The following ATM variants were observed in gnomAD, a reference collection of about 807,000 sequenced individuals.
ATM encodes the protein ATM serine/threonine kinase.
A neutral mutation model predicts 387.0 loss-of-function variants in ATM; 308 were observed. The observed-to-expected ratio is 0.80, with a 90% CI of 0.73 to 0.87. The LOEUF is 0.87. Ranked by LOEUF, ATM falls within the 40% of genes least tolerant of loss-of-function variation. The pLI, the probability that ATM is intolerant of heterozygous loss-of-function variation, is 0.00. For missense variants in ATM, 3,312 were observed against 3,560.9 expected, an observed-to-expected ratio of 0.93 and a Z score of 1.78; for synonymous variants, 1,156 against 1,187.3, an observed-to-expected ratio of 0.97 and a Z score of 0.54.
rs34099398 is a variant in ATM, at chr11:108,333,957, A to G, written c.7999A>G (p.Met2667Val). ...TTTAGAAGATGTTGTTGTCCCTACT[A>G]TGGAAATTAAGGTAATTTGCAATTA... ...KNLEDVVVPT[M>V]EIKVDHTGEY... Residue 2667 changes from methionine to valine, a missense_variant, in exon 54 of 63, where the codon ATG becomes GTG. By Grantham distance (21) the Met-to-Val change is conservative. Around this residue, in one of 4 missense-constraint regions of ATM, gnomAD observed 1,405 missense variants for 1,604.4 expected, o/e 0.88. Transcript: ENST00000675843. The G allele has an allele frequency of 2.7e-5, 43 of 1,608,074 alleles. No homozygotes were observed. The highest frequency in any genetic ancestry group is 3.6e-5 in the Non-Finnish European group (42 of 1,174,900).
At chr11:108,343,182 G>A in intron 56 of ATM, 40 bp from the exon 57 acceptor site, 4 of 1,609,436 alleles carry the variant, frequency 2.5e-6, no homozygotes, top group Non-Finnish European at 2.6e-6. Flanking sequence ...GCTCTTTAAT[G>A]GCCTTTTAAA....
rs1555069760 is a variant in ATM, at chr11:108,249,052, A to G, written c.1185A>G (p.Val395=). 1 of 1,614,116 alleles carries G rather than the reference A, an allele frequency of 6.2e-7. No individual in the cohort carries two copies. Among genetic ancestry groups the G allele is most frequent in the Middle Eastern group, 1.7e-4 (1 of 6,054 alleles). Residue 395 remains valine, a synonymous_variant, in exon 9 of 63, where the codon GTA becomes GTG. Transcript: ENST00000675843. The part of the protein sequence containing the change: ...KRKKIELGWE[V]IKDHLQKSQN... ...AGAAAATAGAACTAGGCTGGGAAGTAATAAAAGATCACCTTCAGAAGTCAC... is the reference window on the plus strand; with the variant it reads ...AGAAAATAGAACTAGGCTGGGAAGTGATAAAAGATCACCTTCAGAAGTCAC...
intron 60 of ATM, 150 bp downstream of exon 60, chr11:108,354,030 A>G (rs192289427): frequency 1.5e-6 from 1 of 678,428 alleles, no homozygotes; most frequent in African/African-American, 1.8e-5. Flanking sequence ...AGCCTAGGCA[A>G]TACAGCAAGA....
At chr11:108,259,448 T>C (rs925600516) in intron 16 of ATM, among the ~76,000 whole-genome samples, 1 of 152,246 alleles carries the variant, frequency 6.6e-6, no homozygotes, top group East Asian at 1.9e-4. Context: ...ATCGTGCCAC[T>C]GCACTCCAGC....
intron 15 of ATM, among the ~76,000 whole-genome samples, chr11:108,258,590 G>T (rs1327276105): frequency 6.6e-6 from 1 of 152,156 alleles, no homozygotes; most frequent in African/African-American, 2.4e-5. Flanking sequence ...AGGCCCCAGA[G>T]TATTGATAAT....
intron 16 of ATM, 128 bp from the exon 17 acceptor site, chr11:108,267,043 G>C (rs1381481699): frequency 4.5e-6 from 4 of 893,314 alleles, no homozygotes; most frequent in Non-Finnish European, 7.1e-6. Context: ...TGATCCACCT[G>C]GCTCTGCCTC....
chr11:108,268,694 G>T, intron 18 of ATM, 85 bp downstream of exon 18: 2 of 1,404,068 alleles, frequency 1.4e-6, no homozygotes, highest in Non-Finnish European at 2.0e-6. Flanking sequence ...AGAATCACAT[G>T]GTGTCTTTGA....
In ATM at chr11:108,366,439, G is replaced by A. The variant is rs2137971723; in HGVS notation, c.*931G>A. 4.5e-6 allele frequency: 1 copy of A among 220,920 alleles called. No homozygotes were observed. Among genetic ancestry groups the A allele is most frequent in the East Asian group, 6.7e-5 (1 of 14,934 alleles). The allele number at this position is 220,920 out of a possible 1,614,324, so 13.7% of individuals were successfully genotyped here. A position where few individuals can be genotyped will look rare whatever the true frequency, so the allele number is the denominator to read the frequency against. On this transcript the variant is annotated 3_prime_UTR_variant, in exon 63 of 63. Coordinates refer to ENST00000675843, the MANE Select transcript of ATM (RefSeq NM_000051.4). ...ATGTCACTAATTATTTTAAATGTCT[G>A]TACTTGATAGACACTGTAATAGTTC...
At chr11:108,365,019 T>G in intron 61 of ATM, 63 bp from the exon 62 acceptor site, 5 of 1,574,812 alleles carry the variant, frequency 3.2e-6, no homozygotes, top group Non-Finnish European at 4.3e-6. Flanking sequence ...CTGGTTCTAC[T>G]GTTTCTAAGT....
chr11:108,256,200 G>T lies in ATM; in HGVS notation c.2125-15G>T, dbSNP rs2135391590. On this transcript the variant is annotated splice_polypyrimidine_tract_variant and intron_variant, in intron 13 of 62. Coordinates refer to ENST00000675843, the MANE Select transcript of ATM (RefSeq NM_000051.4). ...TTATGAAATATATATATTTTTATTT[G>T]TGGTTTACTTTAAGATTACAAATTC... 6.3e-7 allele frequency: 1 copy of T among 1,581,332 alleles called. No individual in the cohort carries two copies.
intron 14 of ATM, among the ~76,000 whole-genome samples, chr11:108,256,608 G>T (rs1346462765): frequency 6.6e-6 from 1 of 152,114 alleles, no homozygotes; most frequent in African/African-American, 2.4e-5. Flanking sequence ...ATGGTGGTTT[G>T]CTGCACCCAT....
rs1555053997 is a variant in ATM at position 108,227,716 on chromosome 11, C to G, written c.72+20C>G. On this transcript the variant is annotated intron_variant, in intron 2 of 62. Coordinates refer to ENST00000675843, the MANE Select transcript of ATM (RefSeq NM_000051.4). Reference sequence around the variant, plus strand: ...CGAAAGGTAGTAAATTACTTAAATTCAATTTTTCCTTGAAATAAGTGTGAT... The same window carrying G: ...CGAAAGGTAGTAAATTACTTAAATTGAATTTTTCCTTGAAATAAGTGTGAT... 6.3e-7 allele frequency: 1 copy of G among 1,597,350 alleles called. No individual in the cohort carries two copies. The highest frequency in any genetic ancestry group is 8.5e-7 in the Non-Finnish European group (1 of 1,171,704).
At chr11:108,243,928 C>T (rs2135220731) in intron 5 of ATM, 25 bp from the exon 6 acceptor site, 1 of 1,439,340 alleles carries the variant, frequency 6.9e-7, no homozygotes, top group South Asian at 1.3e-5. Flanking sequence ...AAAATCATGA[C>T]TAATAATTTT....
At chr11:108,258,767 G>T (rs1256591207) in intron 15 of ATM, among the ~76,000 whole-genome samples, 2 of 152,118 alleles carry the variant, frequency 1.3e-5, no homozygotes, top group Non-Finnish European at 2.9e-5. Flanking sequence ...TATCTTTAGG[G>T]TCAATAGCTG....
rs530766946 is a variant in ATM at position 108,365,817 on chromosome 11, G to C, written c.*309G>C. On this transcript the variant is annotated 3_prime_UTR_variant, in exon 63 of 63. Coordinates refer to ENST00000675843, the MANE Select transcript of ATM (RefSeq NM_000051.4). The stretch of plus-strand genomic sequence containing the variant: ...TCACAAGGTCAGGAGTTCGAGACCA[G>C]CCTGGCCAAGAGACCAGCCTGGCCA... 5.5e-6 allele frequency: 2 copies of C among 366,168 alleles called. No homozygotes were observed. Among genetic ancestry groups the C allele is most frequent in the African/African-American group, 2.1e-5 (1 of 47,938 alleles). The allele number at this position is 366,168 out of a possible 1,614,324, so 22.7% of individuals were successfully genotyped here. A position where few individuals can be genotyped will look rare whatever the true frequency, so the allele number is the denominator to read the frequency against.
chr11:108,353,426 C>T (rs1203611726), intron 59 of ATM, among the ~76,000 whole-genome samples: 4 of 152,086 alleles, frequency 2.6e-5, no homozygotes, highest in Admixed American at 2.6e-4. Flanking sequence ...GGATTACAGG[C>T]GGGAGCCACC....
chr11:108,282,973 C>T, intron 25 of ATM, 94 bp downstream of exon 25: 2 of 787,904 alleles, frequency 2.5e-6, no homozygotes, highest in South Asian at 3.4e-5. Flanking sequence ...ACATACCATA[C>T]CCATACACAT....
Position 108,250,682 on chromosome 11 carries a change from C to CCT in ATM, c.1236-18_1236-17dup. The CCT allele has an allele frequency of 6.9e-7, 1 of 1,448,754 alleles. No individual in the cohort carries two copies. The highest frequency in any genetic ancestry group is 9.4e-7 in the Non-Finnish European group (1 of 1,063,824). The allele number at this position is 1,448,754 out of a possible 1,614,324, so 89.7% of individuals were successfully genotyped here. The stretch of plus-strand genomic sequence containing the variant: ...TGTGATGGAATAGTTTTCAAATTAT[C>CCT]CTTTTTTTTTTTTTTTAGGCTACAG... On this transcript the variant is annotated intron_variant, in intron 9 of 62. Transcript: ENST00000675843.
intron 45 of ATM, among the ~76,000 whole-genome samples, chr11:108,323,171 A>G (rs2085355185): frequency 1.3e-5 from 2 of 152,214 alleles, no homozygotes; most frequent in South Asian, 4.1e-4. Flanking sequence ...GAAGAAAATA[A>G]TAATAGTTTT....
Sources: allele counts gnomAD v4.1 joint callset (sites outside exome capture counted in the v4.1 genomes callset), GRCh38; gene constraint gnomAD v4.1.1; regional missense constraint gnomAD v4.1.1; transcripts MANE v1.5; gene names NCBI Gene and HGNC (gene_info 2026-07-23, HGNC 2026-07-21).